TBC1D22A: variants seen among roughly 807,000 people sequenced by gnomAD.
TBC1D22A encodes the protein TBC1 domain family member 22A.
TBC1D22A carries 38 observed loss-of-function variants against 60.2 expected under a neutral mutation model. The observed-to-expected ratio is 0.63, with a 90% confidence interval of 0.49 to 0.83. TBC1D22A has a LOEUF of 0.83. Ranked by LOEUF, TBC1D22A falls within the 40% of genes least tolerant of loss-of-function variation. The pLI is 0.00. For missense variants in TBC1D22A, 628 were observed against 701.0 expected (o/e 0.90, Z 1.18); for synonymous variants, 302 against 281.7 (o/e 1.07, Z -0.72).
chr22:46,984,478 C>T (rs1397186225), intron 9 of TBC1D22A, among the ~76,000 whole-genome samples: 1 of 138,998 alleles, frequency 7.2e-6, no homozygotes, highest in Non-Finnish European at 1.5e-5. Context: ...CCAGTCTTTT[C>T]ATTTCACTAA....
intron 12 of TBC1D22A, among the ~76,000 whole-genome samples, chr22:47,151,855 G>A (rs1271725080): frequency 1.3e-5 from 2 of 152,228 alleles, no homozygotes; most frequent in African/African-American, 2.4e-5. Flanking sequence ...ACCCCTTCGC[G>A]GTGTGGACGT....
At chr22:47,104,673 C>T (rs932848950) in intron 11 of TBC1D22A, among the ~76,000 whole-genome samples, 1 of 138,524 alleles carries the variant, frequency 7.2e-6, no homozygotes, top group Non-Finnish European at 1.5e-5. Flanking sequence ...CCAGCCTGGG[C>T]GACAGAGAAA....
intron 12 of TBC1D22A, among the ~76,000 whole-genome samples, chr22:47,156,248 T>C (rs57930628): frequency 0.2 from 31,178 of 152,198 alleles, 4,516 homozygotes; most frequent in African/African-American, 0.41. Flanking sequence ...TGACAGCAGT[T>C]CAGGCTCCTG....
chr22:46,823,607 T>TA (rs2085920945), intron 4 of TBC1D22A, among the ~76,000 whole-genome samples: 1 of 152,170 alleles, frequency 6.6e-6, no homozygotes, highest in Non-Finnish European at 1.5e-5. Context: ...CCTCACCACT[T>TA]ACGGGGAGGA....
At chr22:46,779,880 C>A (rs747345205) in intron 1 of TBC1D22A, among the ~76,000 whole-genome samples, 1 of 151,988 alleles carries the variant, frequency 6.6e-6, no homozygotes, top group Admixed American at 6.6e-5. Flanking sequence ...GGTGTCGGGG[C>A]GGGACAGCCC....
chr22:47,138,911 A>G (rs1412668117), intron 12 of TBC1D22A, among the ~76,000 whole-genome samples: 4 of 152,168 alleles, frequency 2.6e-5, no homozygotes, highest in Admixed American at 2.0e-4. Context: ...CTCATGGCCA[A>G]TCACTTCCCA....
At chr22:46,928,855 T>C (rs1444355821) in intron 8 of TBC1D22A, among the ~76,000 whole-genome samples, 1 of 152,206 alleles carries the variant, frequency 6.6e-6, no homozygotes, top group Non-Finnish European at 1.5e-5. Context: ...CACAGTGTGG[T>C]ACCGCTTCAC....
chr22:46,920,785 T>A (rs1250678322), intron 8 of TBC1D22A, among the ~76,000 whole-genome samples: 3 of 152,170 alleles, frequency 2.0e-5, no homozygotes, highest in Non-Finnish European at 4.4e-5. Context: ...TATTCATTTT[T>A]TTTTTTTGAG....
At chr22:46,869,273 A>G (rs2067199455) in intron 4 of TBC1D22A, among the ~76,000 whole-genome samples, 1 of 152,198 alleles carries the variant, frequency 6.6e-6, no homozygotes, top group South Asian at 2.1e-4. Flanking sequence ...CCCCTTCTTC[A>G]GAGAAGAGAC....
intron 8 of TBC1D22A, among the ~76,000 whole-genome samples, chr22:46,924,043 T>C (rs1012046246): frequency 3.9e-5 from 6 of 152,252 alleles, no homozygotes; most frequent in Non-Finnish European, 8.8e-5. Flanking sequence ...TTAAGGAGCA[T>C]TGTTCCATCA....
rs562262337 is a variant in TBC1D22A, at chr22:46,946,152, G to A, written c.1016-28138G>A. Among the ~76,000 whole-genome samples, 107 of 152,280 alleles carry A rather than the reference G, an allele frequency of 7.0e-4. 4 individuals are homozygous for A. In the South Asian group the frequency reaches 0.021, roughly 29 times the overall value. On this transcript the variant is annotated intron_variant, in intron 8 of 12. Transcript: ENST00000337137. ...CTACCAGCTTCCTCCGTGTAGGTTC[G>A]TTTTCTCTTCCGGACGGGCCAGCAT...
chr22:46,894,857 C>T lies in TBC1D22A; in HGVS notation c.900+11C>T. On this transcript the variant is annotated intron_variant, in intron 7 of 12. Transcript: ENST00000337137. ...CCCAAGGTGACGGAGGTAAGAAGCT[C>T]TTGCCGTGGGGAGTTCCCCTCGTTG... The T allele has an allele frequency of 6.2e-7, 1 of 1,614,206 alleles. No homozygotes were observed. The highest frequency in any genetic ancestry group is 1.1e-5 in the South Asian group (1 of 91,090).
At chr22:47,003,299 C>T (rs1205350964) in intron 10 of TBC1D22A, among the ~76,000 whole-genome samples, 1 of 151,986 alleles carries the variant, frequency 6.6e-6, no homozygotes. Flanking sequence ...GGCTTGAGCT[C>T]TAGGTTACCC....
At chr22:47,146,478 G>A (rs1316494067) in intron 12 of TBC1D22A, among the ~76,000 whole-genome samples, 1 of 152,194 alleles carries the variant, frequency 6.6e-6, no homozygotes, top group African/African-American at 2.4e-5. Context: ...TGGCTCCTTT[G>A]GGCCAGGCCA....
intron 8 of TBC1D22A, among the ~76,000 whole-genome samples, chr22:46,932,022 G>A (rs951590116): frequency 2.6e-5 from 4 of 152,160 alleles, no homozygotes; most frequent in Non-Finnish European, 5.9e-5. Flanking sequence ...ATTCATTGTC[G>A]AGGAATGCCT....
At chr22:46,910,142 C>T (rs1041092008) in intron 7 of TBC1D22A, among the ~76,000 whole-genome samples, 4 of 152,194 alleles carry the variant, frequency 2.6e-5, no homozygotes, top group Non-Finnish European at 5.9e-5. Flanking sequence ...TATATGTGCG[C>T]GAACATATTC....
intron 10 of TBC1D22A, among the ~76,000 whole-genome samples, chr22:47,025,637 T>C (rs1197664651): frequency 5.9e-5 from 9 of 152,246 alleles, no homozygotes; most frequent in Non-Finnish European, 1.3e-4. Flanking sequence ...GAGGGAAACC[T>C]ATAGCACTAA....
chr22:47,142,767 A>C (rs575886430), intron 12 of TBC1D22A, among the ~76,000 whole-genome samples: 1 of 42,172 alleles, frequency 2.4e-5, no homozygotes. Context: ...TATGTATACC[A>C]CCCACCCCCC....
chr22:46,857,220 C>T (rs978231083), intron 4 of TBC1D22A, among the ~76,000 whole-genome samples: 6 of 152,222 alleles, frequency 3.9e-5, no homozygotes, highest in East Asian at 1.9e-4. Flanking sequence ...TTCTTGTTAG[C>T]GTAACCAGGC....
Sources: gnomAD v4.1 joint callset for allele counts (sites outside exome capture counted in the v4.1 genomes callset) on GRCh38, gnomAD v4.1.1 for gene constraint, MANE v1.5 for transcripts, NCBI Gene and HGNC (gene_info 2026-07-23, HGNC 2026-07-21) for gene names.